Variants in MORC1 observed in about 807,000 individuals in gnomAD.
MORC1 encodes MORC family CW-type zinc finger protein 1.
Under a neutral mutation model 134.9 loss-of-function variants are expected in MORC1, and 59 were observed. That is an observed-to-expected ratio of 0.44 (90% CI 0.35 to 0.54). The LOEUF (loss-of-function observed/expected upper bound fraction) is 0.54, where lower values mean the gene tolerates loss of function less well. MORC1 is among the 20% of genes least tolerant of loss of function. The pLI is 0.00. For missense variants in MORC1, 947 were observed against 1,134.5 expected, an observed-to-expected ratio of 0.83 and a Z score of 2.37; for synonymous variants, 395 against 391.7, an observed-to-expected ratio of 1.01 and a Z score of -0.10.
intron 18 of MORC1, 142 bp downstream of exon 18, chr3:109,006,887 A>G (rs1226003246): frequency 4.2e-6 from 2 of 480,032 alleles, no homozygotes; most frequent in Non-Finnish European, 7.3e-6. Context: ...TACTCTAACA[A>G]GAATAAAATG....
At chr3:109,029,530 G>T (rs1949184660) in intron 16 of MORC1, among the ~76,000 whole-genome samples, 3 of 152,146 alleles carry the variant, frequency 2.0e-5, no homozygotes, top group Admixed American at 2.0e-4. Context: ...TTTTGGTTCA[G>T]CCAAGTAATA....
intron 15 of MORC1, 152 bp from the exon 16 acceptor site, chr3:109,032,977 C>T (rs1949273533): frequency 1.6e-6 from 1 of 629,172 alleles, no homozygotes; most frequent in Admixed American, 3.3e-5. Context: ...GATGACACAT[C>T]TATTCTAGGG....
chr3:109,037,788 C>A (rs1949413069), intron 14 of MORC1, among the ~76,000 whole-genome samples: 1 of 152,198 alleles, frequency 6.6e-6, no homozygotes, highest in East Asian at 1.9e-4. Flanking sequence ...TTTTTTATGG[C>A]AGCATAGTAT....
intron 17 of MORC1, among the ~76,000 whole-genome samples, chr3:109,019,674 T>C (rs1205962046): frequency 6.6e-6 from 1 of 152,192 alleles, no homozygotes; most frequent in Non-Finnish European, 1.5e-5. Context: ...AGTTTCCTCA[T>C]CCACAAAATA....
At chr3:109,011,972 T>A (rs912561664) in intron 17 of MORC1, among the ~76,000 whole-genome samples, 3 of 152,246 alleles carry the variant, frequency 2.0e-5, no homozygotes, top group Non-Finnish European at 4.4e-5. Context: ...AGGTACAATT[T>A]AAAAAATTTT....
chr3:108,979,816 A>G (rs896916265), intron 23 of MORC1, 149 bp from the exon 24 acceptor site: 5 of 774,636 alleles, frequency 6.5e-6, no homozygotes, highest in African/African-American at 3.6e-5. Flanking sequence ...CTGTAGTTAC[A>G]TGAAACAAAT....
intron 17 of MORC1, among the ~76,000 whole-genome samples, chr3:109,025,268 T>C (rs572492102): frequency 6.6e-6 from 1 of 152,204 alleles, no homozygotes; most frequent in African/African-American, 2.4e-5. Context: ...CTTTAGGTTG[T>C]TTTTCTCACC....
chr3:108,974,617 T>G (rs1029075291), intron 24 of MORC1, among the ~76,000 whole-genome samples: 5 of 152,320 alleles, frequency 3.3e-5, no homozygotes, highest in African/African-American at 9.6e-5. Context: ...GTAGATGCAC[T>G]TGGGGCAACT....
chr3:109,081,142 AT>A (rs1950512891), intron 8 of MORC1, among the ~76,000 whole-genome samples: 1 of 152,168 alleles, frequency 6.6e-6, no homozygotes, highest in Admixed American at 6.5e-5. Context: ...TAAGGAAAGC[AT>A]TTTTGAGCTG....
At chr3:109,069,792 G>A in intron 8 of MORC1, 35 bp from the exon 9 acceptor site, 1 of 1,572,736 alleles carries the variant, frequency 6.4e-7, no homozygotes, top group South Asian at 1.2e-5. Flanking sequence ...ACAATACAGA[G>A]GACACAACAA....
chr3:109,078,250 T>C lies in MORC1; in HGVS notation c.690-8493A>G, dbSNP rs150497432. On this transcript the variant is annotated intron_variant, in intron 8 of 27. Transcript: ENST00000232603. ...AAATGAAATGGATAGAGCTCTGTCCTTATCAGAGATTCACTTTTAAAAAAA... is the reference window on the plus strand; with the variant it reads ...AAATGAAATGGATAGAGCTCTGTCCCTATCAGAGATTCACTTTTAAAAAAA... Among the ~76,000 whole-genome samples, 780 of 152,208 alleles carry C rather than the reference T, an allele frequency of 5.1e-3. 18 individuals carry two copies. The highest frequency in any genetic ancestry group is 0.018 in the African/African-American group (748 of 41,560).
chr3:109,029,839 C>T (rs932489300), intron 16 of MORC1, among the ~76,000 whole-genome samples: 1 of 152,306 alleles, frequency 6.6e-6, no homozygotes, highest in Admixed American at 6.5e-5. Flanking sequence ...TTCCAACAGA[C>T]AATGTGATAA....
chr3:109,047,472 A>C (rs1044473023), intron 14 of MORC1, among the ~76,000 whole-genome samples: 1 of 152,176 alleles, frequency 6.6e-6, no homozygotes, highest in Non-Finnish European at 1.5e-5. Flanking sequence ...GTCAGAAAGG[A>C]AGCATAAGTG....
intron 2 of MORC1, among the ~76,000 whole-genome samples, chr3:109,111,641 G>A (rs1305413803): frequency 6.6e-6 from 1 of 152,156 alleles, no homozygotes; most frequent in East Asian, 1.9e-4. Flanking sequence ...AAGGAGGAAG[G>A]CATAGGCAAG....
At chr3:108,998,305 T>C (rs1948294949) in intron 21 of MORC1, among the ~76,000 whole-genome samples, 1 of 152,222 alleles carries the variant, frequency 6.6e-6, no homozygotes, top group African/African-American at 2.4e-5. Flanking sequence ...TTCATGAATT[T>C]GGATAATGTG....
At chr3:109,117,331 C>CAAAAAAAAAAAAAAAAAAAAAAAAAT (rs202128565) in intron 1 of MORC1, among the ~76,000 whole-genome samples, 1 of 113,644 alleles carries the variant, frequency 8.8e-6, no homozygotes, top group Non-Finnish European at 1.8e-5. Flanking sequence ...CAAAAGATGT[C>CAAAAAAAAAAAAAAAAAAAAAAAAAT]AAAAAAAAAA....
At chr3:109,025,683 C>A (rs1055230327) in intron 17 of MORC1, among the ~76,000 whole-genome samples, 1 of 152,070 alleles carries the variant, frequency 6.6e-6, no homozygotes, top group Non-Finnish European at 1.5e-5. Flanking sequence ...ATGCCCAACA[C>A]CCCTATATAA....
intron 4 of MORC1, among the ~76,000 whole-genome samples, chr3:109,100,933 G>C (rs1468758523): frequency 6.6e-6 from 1 of 152,104 alleles, no homozygotes; most frequent in Non-Finnish European, 1.5e-5. Context: ...GAAATACCGT[G>C]CCATCTTCTT....
intron 17 of MORC1, among the ~76,000 whole-genome samples, chr3:109,012,090 C>A (rs577174262): frequency 6.6e-6 from 1 of 152,202 alleles, no homozygotes; most frequent in East Asian, 1.9e-4. Flanking sequence ...TTACATTTAG[C>A]CCTATGATCT....
Sources: gnomAD v4.1 joint callset for allele counts (sites outside exome capture counted in the v4.1 genomes callset) on GRCh38, gnomAD v4.1.1 for gene constraint, MANE v1.5 for transcripts, NCBI Gene and HGNC (gene_info 2026-07-23, HGNC 2026-07-21) for gene names.